Variants in COL5A2 observed in about 807,000 individuals in gnomAD.
The protein encoded by COL5A2 is collagen alpha-2(V) chain.
Under a neutral mutation model 208.2 loss-of-function variants are expected in COL5A2, and 23 were observed. That is an observed-to-expected ratio of 0.11 (90% CI 0.08 to 0.16). COL5A2 has a LOEUF of 0.16. COL5A2 is among the 10% of genes least tolerant of loss of function. The pLI, the probability that COL5A2 is intolerant of heterozygous loss-of-function variation, is 1.00. For missense variants in COL5A2, 1,590 were observed against 1,956.4 expected, an observed-to-expected ratio of 0.81 and a Z score of 3.53; for synonymous variants, 625 against 628.5, an observed-to-expected ratio of 0.99 and a Z score of 0.08.
chr2:189,215,231 TA>T (rs1053839773), intron 1 of COL5A2, among the ~76,000 whole-genome samples: 5 of 152,094 alleles, frequency 3.3e-5, no homozygotes, highest in Non-Finnish European at 5.9e-5. Flanking sequence ...TGTCCCAGTT[TA>T]AAAACTGACA....
the COL5A2 span, among the ~76,000 whole-genome samples, chr2:189,337,670 T>C: frequency 6.6e-6 from 1 of 152,128 alleles, no homozygotes; most frequent in African/African-American, 2.4e-5. Flanking sequence ...GGGGTTACAA[T>C]CTTGCAATAT....
At chr2:189,430,589 T>C in the COL5A2 span, among the ~76,000 whole-genome samples, 2,575 of 152,352 alleles carry the variant, frequency 0.017, 75 homozygotes, top group African/African-American at 0.059. Context: ...CATTGCTCAC[T>C]GCTAGTGCAG....
the COL5A2 span, among the ~76,000 whole-genome samples, chr2:189,300,798 G>A: frequency 6.6e-6 from 1 of 152,220 alleles, no homozygotes; most frequent in African/African-American, 2.4e-5. Context: ...ATAGAAATGT[G>A]ACTTTGTGGA....
At chr2:189,104,355 A>G (rs769060154) in intron 2 of COL5A2, 78 bp from the exon 3 acceptor site, 2 of 1,005,560 alleles carry the variant, frequency 2.0e-6, no homozygotes, top group Non-Finnish European at 3.2e-6. Context: ...TACTTTCAAT[A>G]ATAGATTTCT....
intron 1 of COL5A2, among the ~76,000 whole-genome samples, chr2:189,205,146 A>C (rs960090486): frequency 6.6e-6 from 1 of 152,224 alleles, no homozygotes. Flanking sequence ...TTCTTCACAC[A>C]AGAATATGGA....
At chr2:189,063,925 T>A (rs1322703882) in intron 26 of COL5A2, 55 bp downstream of exon 26, 1 of 1,338,228 alleles carries the variant, frequency 7.5e-7, no homozygotes, top group Non-Finnish European at 1.1e-6. Flanking sequence ...ATCATTTAAG[T>A]TGCATGTCTG....
Position 189,102,178 on chromosome 2 carries a change from C to A in COL5A2, c.337-2039G>T, listed in dbSNP as rs1687058992. 3.3e-5 allele frequency among the ~76,000 whole-genome samples: 5 copies of A among 151,924 alleles called. No individual in the cohort carries two copies. In the South Asian group the frequency reaches 1.0e-3, roughly 31 times the overall value. ...AAAAGAGAGGACAAATTGTTTCAGT[C>A]AGAATGAGAAAAATGGAACAGCCTG... On this transcript the variant is annotated intron_variant, in intron 3 of 53. Transcript: ENST00000374866.
At chr2:189,054,914 C>T (rs1175556349) in intron 35 of COL5A2, among the ~76,000 whole-genome samples, 2 of 151,022 alleles carry the variant, frequency 1.3e-5, no homozygotes, top group African/African-American at 4.9e-5. Context: ...GACGGAGTCT[C>T]GCTCTGTCGC....
chr2:189,173,309 A>C (rs1476010398), intron 1 of COL5A2, among the ~76,000 whole-genome samples: 2 of 152,170 alleles, frequency 1.3e-5, no homozygotes, highest in African/African-American at 2.4e-5. Flanking sequence ...TTAGATAGGA[A>C]TAATCTTGCT....
chr2:189,179,956 A>G (rs756112282), upstream of COL5A2: 33 of 505,148 alleles, frequency 6.5e-5, no homozygotes, highest in Non-Finnish European at 1.1e-4. Context: ...ACTTTTAAGC[A>G]TAGATGGGGC....
intron 1 of COL5A2, among the ~76,000 whole-genome samples, chr2:189,164,968 A>G (rs537028275): frequency 1.3e-5 from 2 of 152,364 alleles, no homozygotes; most frequent in South Asian, 4.1e-4. Flanking sequence ...GGCAAGGTGC[A>G]TGCCATCCCT....
intron 1 of COL5A2, chr2:189,133,166 G>C (rs1251177364): frequency 7.4e-6 from 1 of 134,922 alleles, no homozygotes; most frequent in East Asian, 2.3e-4. Context: ...CTGTCGGCAG[G>C]CTGGAATGCA....
intron 1 of COL5A2, among the ~76,000 whole-genome samples, chr2:189,145,855 G>C (rs1405576093): frequency 6.6e-6 from 1 of 152,052 alleles, no homozygotes; most frequent in Admixed American, 6.6e-5. Context: ...TCCTTCTTTA[G>C]AACCAAAAAT....
the COL5A2 span, among the ~76,000 whole-genome samples, chr2:189,268,518 A>G: frequency 6.6e-6 from 1 of 152,146 alleles, no homozygotes; most frequent in East Asian, 1.9e-4. Context: ...TGGAATTGGC[A>G]TTCAGAGAAA....
chr2:189,425,746 C>G, the COL5A2 span, among the ~76,000 whole-genome samples: 1 of 152,178 alleles, frequency 6.6e-6, no homozygotes, highest in South Asian at 2.1e-4. Context: ...CATCATCCCC[C>G]TGATGCTGTT....
In COL5A2 at chr2:189,033,992, A is replaced by C. The variant is rs1685390197; in HGVS notation, c.*78T>G. 6.3e-7 allele frequency: 1 copy of C among 1,596,416 alleles called. No individual in the cohort carries two copies. Among genetic ancestry groups the C allele is most frequent in the East Asian group, 2.2e-5 (1 of 44,812 alleles). ...CATTACTTCAAGAGTCTCAGGATCAACTTCAAACAGTCAAAGTTCTTGTGA... is the reference window on the plus strand; with the variant it reads ...CATTACTTCAAGAGTCTCAGGATCACCTTCAAACAGTCAAAGTTCTTGTGA... On this transcript the variant is annotated 3_prime_UTR_variant, in exon 54 of 54. Coordinates refer to ENST00000374866, the MANE Select transcript of COL5A2 (RefSeq NM_000393.5).
chr2:189,207,982 C>T (rs1305955327), intron 1 of COL5A2, among the ~76,000 whole-genome samples: 1 of 152,164 alleles, frequency 6.6e-6, no homozygotes, highest in African/African-American at 2.4e-5. Flanking sequence ...CTCTGTTTTG[C>T]CTTGCTCTCC....
chr2:189,045,191 T>C lies in COL5A2; in HGVS notation c.3351A>G (p.Lys1117=), dbSNP rs989634422. The change falls in exon 47 of 54, where the codon AAA becomes AAG. Residue 1117 remains lysine, a synonymous_variant. Coordinates refer to ENST00000374866, the MANE Select transcript of COL5A2 (RefSeq NM_000393.5). ...GPIGPPGRAG[K]RGLPGPQGPR... ...AAAGAGAACTTACAGGTAATCCACG[T>C]TTCCCAGCTCGACCAGGTGGTCCTA... 6.2e-7 allele frequency: 1 copy of C among 1,605,298 alleles called. No homozygotes were observed. The highest frequency in any genetic ancestry group is 8.5e-7 in the Non-Finnish European group (1 of 1,176,012).
the COL5A2 span, among the ~76,000 whole-genome samples, chr2:189,368,002 C>T: frequency 6.6e-6 from 1 of 152,052 alleles, no homozygotes; most frequent in African/African-American, 2.4e-5. Flanking sequence ...GATTTATTTT[C>T]CAACTCTTCT....
Sources: gnomAD v4.1 joint callset for allele counts (sites outside exome capture counted in the v4.1 genomes callset) on GRCh38, gnomAD v4.1.1 for gene constraint, MANE v1.5 for transcripts, NCBI Gene and HGNC (gene_info 2026-07-23, HGNC 2026-07-21) for gene names.